The following SIPA1L2 variants were observed in gnomAD, a reference collection of about 807,000 sequenced individuals.
The protein encoded by SIPA1L2 is signal-induced proliferation-associated 1-like protein 2.
Under a neutral mutation model 163.9 loss-of-function variants are expected in SIPA1L2, and 56 were observed. The ratio of observed to expected loss-of-function variants is 0.34; its 90% CI spans 0.28 to 0.43. The LOEUF is 0.43. SIPA1L2 is among the 20% of genes least tolerant of loss of function. The probability of loss-of-function intolerance (pLI) is 1.00; values close to 1 mark genes in which losing one functional copy is unlikely to be tolerated. For missense variants in SIPA1L2, 1,974 were observed against 2,193.5 expected (o/e 0.90, Z 2.00); for synonymous variants, 877 against 865.7 (o/e 1.01, Z -0.23).
intron 11 of SIPA1L2, among the ~76,000 whole-genome samples, chr1:232,444,205 AC>A (rs1170471562): frequency 6.6e-6 from 1 of 152,134 alleles, no homozygotes; most frequent in Non-Finnish European, 1.5e-5. Context: ...ATGAAAACTC[AC>A]TTGATGAAGA....
chr1:232,626,588 C>T (rs1158528364), intron 1 of SIPA1L2, among the ~76,000 whole-genome samples: 1 of 152,120 alleles, frequency 6.6e-6, no homozygotes, highest in Non-Finnish European at 1.5e-5. Context: ...AAATTCCTAC[C>T]ACATTGTTAC....
intron 2 of SIPA1L2, among the ~76,000 whole-genome samples, chr1:232,555,925 T>C (rs1658677857): frequency 6.6e-6 from 1 of 152,178 alleles, no homozygotes; most frequent in Admixed American, 6.5e-5. Context: ...ACCTCCACAT[T>C]GCAACAATGT....
At chr1:232,542,317 C>T (rs1657735497) in intron 2 of SIPA1L2, among the ~76,000 whole-genome samples, 1 of 152,240 alleles carries the variant, frequency 6.6e-6, no homozygotes, top group South Asian at 2.1e-4. Context: ...TCTATGCCAT[C>T]TATGCCATGC....
intron 11 of SIPA1L2, 50 bp from the exon 12 acceptor site, chr1:232,443,735 C>G (rs770481062): frequency 5.2e-5 from 76 of 1,461,398 alleles, no homozygotes; most frequent in Non-Finnish European, 6.3e-5. Context: ...ATCTGCCAAG[C>G]CCCTTGACCT....
At chr1:232,441,458 AC>A in intron 13 of SIPA1L2, 64 bp from the exon 14 acceptor site, 1 of 1,327,952 alleles carries the variant, frequency 7.5e-7, no homozygotes, top group East Asian at 2.3e-5. Flanking sequence ...AGTAAAGAAA[AC>A]CAGGAGTCAG....
At chr1:232,420,564 G>C (rs1265126791) in intron 18 of SIPA1L2, among the ~76,000 whole-genome samples, 1 of 152,140 alleles carries the variant, frequency 6.6e-6, no homozygotes, top group Admixed American at 6.5e-5. Flanking sequence ...GGCTGGGCGT[G>C]GTGGCTCATG....
intron 3 of SIPA1L2, among the ~76,000 whole-genome samples, chr1:232,494,269 C>A (rs1666068624): frequency 6.6e-6 from 1 of 152,166 alleles, no homozygotes; most frequent in Non-Finnish European, 1.5e-5. Flanking sequence ...AAATTTTATC[C>A]ACAAATCCTA....
At position 232,423,791 on chromosome 1, in the gene SIPA1L2, T is replaced by C. The variant is rs896109372; in HGVS notation, c.4630+1798A>G. Among the ~76,000 whole-genome samples the C allele has an allele frequency of 4.6e-5, 7 of 152,274 alleles. No homozygotes were observed. In the East Asian group the frequency reaches 9.6e-4, roughly 21 times the overall value. On this transcript the variant is annotated intron_variant, in intron 18 of 22. Transcript: ENST00000674635. ...TACGGTACATCTAGATGACGCAATA[T>C]TATTCAGCTGTAAAAAGAAATGAGC...
Position 232,425,810 on chromosome 1 carries a change from T to C in SIPA1L2, c.4411-2A>G. The C allele has an allele frequency of 6.2e-7, 1 of 1,612,918 alleles. No individual in the cohort carries two copies. Among genetic ancestry groups the C allele is most frequent in the Non-Finnish European group, 8.5e-7 (1 of 1,179,352 alleles). ...AGACAGGTTCCCATAGAACGAAAAC[T>C]AGGGTTTAAACAAGGTGCGAGGAGG... On this transcript the variant is annotated splice_acceptor_variant, in intron 17 of 22. Transcript: ENST00000674635. LOFTEE classifies it high-confidence loss of function.
At chr1:232,593,247 T>C (rs1443139444) in intron 1 of SIPA1L2, among the ~76,000 whole-genome samples, 1 of 152,176 alleles carries the variant, frequency 6.6e-6, no homozygotes, top group Non-Finnish European at 1.5e-5. Context: ...CTTTAAAATG[T>C]TAAAATGAGG....
intron 3 of SIPA1L2, among the ~76,000 whole-genome samples, chr1:232,509,760 G>C (rs565695839): frequency 1.8e-4 from 27 of 152,326 alleles, no homozygotes; most frequent in African/African-American, 6.0e-4. Flanking sequence ...GCAAGAGCAG[G>C]AGCAGATGCC....
chr1:232,505,038 G>A (rs747906564), intron 3 of SIPA1L2, among the ~76,000 whole-genome samples: 3 of 152,100 alleles, frequency 2.0e-5, no homozygotes, highest in Non-Finnish European at 1.5e-5. Flanking sequence ...ACATAAAAAC[G>A]GTATCTTGAA....
chr1:232,590,126 G>A (rs1462579635), intron 1 of SIPA1L2, among the ~76,000 whole-genome samples: 2 of 152,104 alleles, frequency 1.3e-5, no homozygotes, highest in African/African-American at 4.8e-5. Context: ...TTCCCCACAA[G>A]GGAAGTCAAG....
chr1:232,605,169 C>G (rs1486414110), intron 1 of SIPA1L2, among the ~76,000 whole-genome samples: 1 of 152,156 alleles, frequency 6.6e-6, no homozygotes, highest in Non-Finnish European at 1.5e-5. Context: ...TACATCACCA[C>G]ACCCAGCTAA....
chr1:232,474,184 C>G (rs1308345218), intron 7 of SIPA1L2, among the ~76,000 whole-genome samples: 1 of 152,152 alleles, frequency 6.6e-6, no homozygotes, highest in Non-Finnish European at 1.5e-5. Context: ...GGGCGAACTT[C>G]TTTCTAGGTA....
intron 1 of SIPA1L2, among the ~76,000 whole-genome samples, chr1:232,609,816 C>T (rs955826788): frequency 7.0e-5 from 9 of 127,748 alleles, no homozygotes; most frequent in African/African-American, 2.1e-4. Context: ...GGCGACAGTG[C>T]GAGACTCCAT....
chr1:232,524,561 A>G (rs1433604209), intron 2 of SIPA1L2, among the ~76,000 whole-genome samples: 1 of 152,214 alleles, frequency 6.6e-6, no homozygotes, highest in African/African-American at 2.4e-5. Context: ...TTAAAAACTT[A>G]TATAGAAAAA....
chr1:232,584,408 A>T (rs1239201975), intron 1 of SIPA1L2, among the ~76,000 whole-genome samples: 1 of 152,198 alleles, frequency 6.6e-6, no homozygotes, highest in Non-Finnish European at 1.5e-5. Context: ...CATTTTTAGT[A>T]GAGACGGGCT....
chr1:232,408,256 T>C (rs1040142221), intron 19 of SIPA1L2, among the ~76,000 whole-genome samples: 3 of 150,846 alleles, frequency 2.0e-5, no homozygotes, highest in African/African-American at 7.3e-5. Flanking sequence ...GGCATCCAAC[T>C]TACTTTTGCC....
Sources: allele counts gnomAD v4.1 joint callset (sites outside exome capture counted in the v4.1 genomes callset), GRCh38; gene constraint gnomAD v4.1.1; transcripts MANE v1.5; gene names NCBI Gene and HGNC (gene_info 2026-07-23, HGNC 2026-07-21).